Variants in DCAF8L2 observed in about 807,000 individuals in gnomAD.
The protein encoded by DCAF8L2 is DDB1 and CUL4 associated factor 8 like 2, also known as DDB1- and CUL4-associated factor 8-like protein 2.
For synonymous variants in DCAF8L2, 200 were observed against 190.9 expected, an observed-to-expected ratio of 1.05 and a Z score of -0.39; for missense variants, 430 against 490.7, an observed-to-expected ratio of 0.88 and a Z score of 1.17.
rs1174017966 is a variant in DCAF8L2 at position 27,641,660 on chromosome X, C to CG, written c.-220+9664dup. The stretch of plus-strand genomic sequence containing the variant: ...CTAACTTTTGTATTTTTAGTAGAGA[C>CG]GGGGTTTCACCATGTTGGCCAGGCT... On this transcript the variant is annotated intron_variant, in intron 2 of 4. Transcript: ENST00000451261. Among the ~76,000 whole-genome samples, 4 of 108,609 alleles carry CG rather than the reference C, an allele frequency of 3.7e-5. No individual in the cohort carries two copies. The Admixed American group carries it at 4.0e-4, about 11-fold the overall frequency. 94.3% of individuals were successfully genotyped at this position (108,609 alleles called of 115,157 possible).
At chrX:27,585,781 T>A (rs1446265899), upstream of DCAF8L2, among the ~76,000 whole-genome samples, 1 of 111,598 alleles carries the variant, frequency 9.0e-6, no homozygotes, top group South Asian at 3.8e-4. Flanking sequence ...CCTGTATTTA[T>A]CACTGTTTCA....
chrX:27,619,028 T>TATC (rs1245101168), intron 1 of DCAF8L2, among the ~76,000 whole-genome samples: 1 of 109,644 alleles, frequency 9.1e-6, no homozygotes, highest in East Asian at 2.9e-4. Context: ...TCTATCTATC[T>TATC]ATCTATCTAT....
At chrX:27,602,788 AT>A (rs903899794) in intron 1 of DCAF8L2, among the ~76,000 whole-genome samples, 2 of 112,038 alleles carry the variant, frequency 1.8e-5, no homozygotes, top group Non-Finnish European at 3.8e-5. Context: ...AGATTAAAAA[AT>A]ATAATTGCGT....
At chrX:27,499,836 TG>T in the DCAF8L2 span, among the ~76,000 whole-genome samples, 6,792 of 103,146 alleles carry the variant, frequency 0.066, 232 homozygotes, top group Middle Eastern at 0.096. Context: ...GATTTGGTGG[TG>T]GGGGGGGGTA....
intron 3 of DCAF8L2, among the ~76,000 whole-genome samples, chrX:27,678,320 T>G (rs1569180029): frequency 8.9e-6 from 1 of 111,779 alleles, no homozygotes; most frequent in Admixed American, 9.6e-5. Flanking sequence ...ATCCAGAAAT[T>G]TCACTTCTGA....
At chrX:27,606,625 C>T (rs1324081733) in intron 1 of DCAF8L2, among the ~76,000 whole-genome samples, 8 of 107,839 alleles carry the variant, frequency 7.4e-5, no homozygotes, top group Non-Finnish European at 1.5e-4. Context: ...CCTGCCTTGG[C>T]CTCCCAAAGT....
the DCAF8L2 span, among the ~76,000 whole-genome samples, chrX:27,540,210 T>C: frequency 2.7e-5 from 3 of 111,711 alleles, no homozygotes; most frequent in Non-Finnish European, 5.6e-5. Context: ...CTTCTCTTAC[T>C]TGAGTTGAAA....
At chrX:27,713,549 TGAAG>T (rs1182964473) in intron 3 of DCAF8L2, among the ~76,000 whole-genome samples, 1 of 111,474 alleles carries the variant, frequency 9.0e-6, no homozygotes, top group Non-Finnish European at 1.9e-5. Context: ...GGGCAGTAAT[TGAAG>T]GAGAAAATTG....
At chrX:27,691,272 T>C (rs904966797) in intron 3 of DCAF8L2, among the ~76,000 whole-genome samples, 29 of 111,829 alleles carry the variant, frequency 2.6e-4, no homozygotes, top group African/African-American at 7.1e-4. Context: ...TGTGGGTTTT[T>C]TGTCTCACTT....
intron 1 of DCAF8L2, among the ~76,000 whole-genome samples, chrX:27,610,584 G>C (rs1240265006): frequency 1.8e-5 from 2 of 111,569 alleles, no homozygotes; most frequent in African/African-American, 6.5e-5. Flanking sequence ...TTTGAATTTA[G>C]AACATTTTTG....
At position 27,598,049 on chromosome X, in the gene DCAF8L2, A is replaced by T. The variant is rs983198101; in HGVS notation, c.-342+7609A>T. On this transcript the variant is annotated intron_variant, in intron 1 of 4. Transcript: ENST00000451261. Reference sequence around the variant, plus strand: ...AAATCTTATTTTCATATAAATTATTAATTATACTATCAATGACTGCAAAAA... The same window carrying T: ...AAATCTTATTTTCATATAAATTATTTATTATACTATCAATGACTGCAAAAA... 9.8e-5 allele frequency among the ~76,000 whole-genome samples: 11 copies of T among 112,477 alleles called. 1 individual carries two copies.
At chrX:27,593,770 C>T (rs1000301411) in intron 1 of DCAF8L2, among the ~76,000 whole-genome samples, 3 of 112,126 alleles carry the variant, frequency 2.7e-5, no homozygotes, top group Non-Finnish European at 3.8e-5. Flanking sequence ...ATGGAGAGAG[C>T]GGCATGTATC....
the DCAF8L2 span, among the ~76,000 whole-genome samples, chrX:27,498,438 A>C: frequency 1.8e-5 from 2 of 112,587 alleles, no homozygotes; most frequent in Non-Finnish European, 3.7e-5. Flanking sequence ...AAATTGACAA[A>C]GAAATAAAAT....
intron 1 of DCAF8L2, among the ~76,000 whole-genome samples, chrX:27,624,387 A>G (rs1325606840): frequency 1.8e-5 from 2 of 110,954 alleles, no homozygotes. Context: ...GGAACATTCC[A>G]TGCTCATGGA....
chrX:27,591,805 G>A (rs1242373213), intron 1 of DCAF8L2, among the ~76,000 whole-genome samples: 3 of 111,950 alleles, frequency 2.7e-5, no homozygotes, highest in African/African-American at 9.7e-5. Context: ...AACTATGTCT[G>A]ACTGAAATGT....
the DCAF8L2 span, among the ~76,000 whole-genome samples, chrX:27,582,346 A>G: frequency 1.8e-5 from 2 of 111,455 alleles, no homozygotes; most frequent in Non-Finnish European, 3.8e-5. Flanking sequence ...CAATTTTTCC[A>G]CTAATGGCCC....
intron 4 of DCAF8L2, among the ~76,000 whole-genome samples, chrX:27,727,209 T>G (rs1301020291): frequency 9.0e-6 from 1 of 111,591 alleles, no homozygotes; most frequent in African/African-American, 3.3e-5. Flanking sequence ...TACTGAAAAT[T>G]TATTGTCCCT....
chrX:27,534,259 A>G, the DCAF8L2 span, among the ~76,000 whole-genome samples: 1 of 111,141 alleles, frequency 9.0e-6, no homozygotes, highest in Non-Finnish European at 1.9e-5. Flanking sequence ...CTCGACTTTG[A>G]TAATTGTACT....
chrX:27,566,328 A>T, the DCAF8L2 span, among the ~76,000 whole-genome samples: 8 of 111,310 alleles, frequency 7.2e-5, no homozygotes, highest in Non-Finnish European at 1.5e-4. Context: ...CCTTGCTCTA[A>T]CTATCTGCCT....
Sources: allele counts gnomAD v4.1 joint callset (sites outside exome capture counted in the v4.1 genomes callset), GRCh38; gene constraint gnomAD v4.1.1; transcripts MANE v1.5; gene names NCBI Gene and HGNC (gene_info 2026-07-23, HGNC 2026-07-21).